RAMP3: variants seen among roughly 807,000 people sequenced by gnomAD.
The protein encoded by RAMP3 is receptor activity modifying protein 3.
In RAMP3, 14 loss-of-function variants were observed where a neutral mutation model predicts 13.5. The ratio of observed to expected loss-of-function variants is 1.04; its 90% CI spans 0.69 to 1.63. The LOEUF (loss-of-function observed/expected upper bound fraction) is 1.63. Among genes scored for constraint, RAMP3 ranks in the 40% most tolerant of loss-of-function variants. The probability of loss-of-function intolerance (pLI) is 0.00; values close to 1 mark genes in which losing one functional copy is unlikely to be tolerated. For synonymous variants in RAMP3, 106 were observed against 88.3 expected (o/e 1.20, Z -1.12); for missense variants, 200 against 204.8 (o/e 0.98, Z 0.14).
Position 45,183,542 on chromosome 7 carries a change from C to T in RAMP3, c.*130C>T. On this transcript the variant is annotated 3_prime_UTR_variant, in exon 3 of 3. Transcript: ENST00000242249. The stretch of plus-strand genomic sequence containing the variant: ...ACCCCACCTGGTCATGGGCAGACCC[C>T]TCCCTTCCTGGGCTGACCTGCTCCC... The T allele has an allele frequency of 7.3e-7, 1 of 1,374,478 alleles. No homozygotes were observed. Among genetic ancestry groups the T allele is most frequent in the Non-Finnish European group, 1.0e-6 (1 of 1,000,690 alleles). 85.1% of individuals were successfully genotyped at this position (1,374,478 alleles called of 1,614,324 possible). A position where few individuals can be genotyped will look rare whatever the true frequency, so the allele number is the denominator to read the frequency against.
In RAMP3 at chr7:45,184,162, G is replaced by A. The variant is rs1329652713; in HGVS notation, c.*750G>A. ...CTACAGGGGCTCCTCTGTGGGTGAG[G>A]GGCCCTCTGGAATGGCATCCCATGA... On this transcript the variant is annotated 3_prime_UTR_variant, in exon 3 of 3. Coordinates refer to ENST00000242249, the MANE Select transcript of RAMP3 (RefSeq NM_005856.3). 6 of 398,660 alleles carry A rather than the reference G, an allele frequency of 1.5e-5. No homozygotes were observed. The East Asian group carries it at 1.8e-4, about 12-fold the overall frequency. 24.7% of individuals were successfully genotyped at this position (398,660 alleles called of 1,614,324 possible).
chr7:45,173,762 A>C (rs28540347), intron 1 of RAMP3, among the ~76,000 whole-genome samples: 3,571 of 152,286 alleles, frequency 0.023, 157 homozygotes, highest in African/African-American at 0.082. Context: ...TGCAAGGAGC[A>C]GGGCTGATCA....
chr7:45,168,406 C>CAAAAAAAAA (rs71030854), intron 1 of RAMP3, among the ~76,000 whole-genome samples: 1 of 70,364 alleles, frequency 1.4e-5, no homozygotes, highest in African/African-American at 6.4e-5. Context: ...ACTCTGTTTC[C>CAAAAAAAAA]AAAAAAAAAA....
intron 1 of RAMP3, among the ~76,000 whole-genome samples, chr7:45,160,517 A>G (rs1277198401): frequency 6.6e-6 from 1 of 152,042 alleles, no homozygotes; most frequent in Non-Finnish European, 1.5e-5. Context: ...GCCCAACCAC[A>G]GAGACCAGGG....
At position 45,183,298 on chromosome 7, in the gene RAMP3, G is replaced by T. The variant is rs1786356683; in HGVS notation, c.333G>T (p.Leu111Phe). ...FSNCTVDRVHLEDPPDEVLIP... is the reference protein window; with the variant it reads ...FSNCTVDRVHFEDPPDEVLIP... ...ACTGCACCGTGGACAGGGTCCACTT[G>T]GAGGACCCCCCAGACGAGGTTCTCA... Residue 111 changes from leucine to phenylalanine, a missense_variant, in exon 3 of 3, where the codon TTG (leucine) becomes TTT (phenylalanine). Coordinates refer to ENST00000242249, the MANE Select transcript of RAMP3 (RefSeq NM_005856.3). 3 of 1,614,102 alleles carry T rather than the reference G, an allele frequency of 1.9e-6. No homozygotes were observed. The highest frequency in any genetic ancestry group is 1.7e-6 in the Non-Finnish European group (2 of 1,180,042).
At chr7:45,162,561 C>T (rs1222007226) in intron 1 of RAMP3, among the ~76,000 whole-genome samples, 1 of 152,158 alleles carries the variant, frequency 6.6e-6, no homozygotes, top group Non-Finnish European at 1.5e-5. Flanking sequence ...ACTCCCCTGC[C>T]TTGTCTAAGT....
At chr7:45,174,396 A>C (rs1472186255) in intron 1 of RAMP3, among the ~76,000 whole-genome samples, 2 of 152,160 alleles carry the variant, frequency 1.3e-5, no homozygotes, top group Non-Finnish European at 2.9e-5. Flanking sequence ...CACTGTCCCC[A>C]CACTGGCTGC....
In RAMP3 at chr7:45,183,228, T is replaced by G. The variant is rs1786354790; in HGVS notation, c.263T>G (p.Leu88Arg). Residue 88 changes from leucine (L) to arginine (R), a missense_variant, in exon 3 of 3, where the codon CTG (leucine) becomes CGG (arginine). Leu to Arg is a moderately radical substitution (Grantham distance 102). Coordinates refer to ENST00000242249, the MANE Select transcript of RAMP3 (RefSeq NM_005856.3). The stretch of plus-strand genomic sequence containing the variant: ...GTGGGCTGCTACTGGCCCAACCCCC[T>G]GGCCCAGGGCTTCATCACCGGCATC... ...NVVGCYWPNPLAQGFITGIHR... is the reference protein window; with the variant it reads ...NVVGCYWPNPRAQGFITGIHR... The G allele has an allele frequency of 1.2e-6, 2 of 1,613,572 alleles. No homozygotes were observed. Among genetic ancestry groups the G allele is most frequent in the African/African-American group, 2.7e-5 (2 of 74,844 alleles).
intron 1 of RAMP3, among the ~76,000 whole-genome samples, chr7:45,166,920 G>C (rs956828561): frequency 7.0e-6 from 1 of 142,552 alleles, no homozygotes; most frequent in Non-Finnish European, 1.5e-5. Flanking sequence ...GGTAATCTAA[G>C]AGTTTTATAA....
At chr7:45,162,922 G>T (rs555974936) in intron 1 of RAMP3, among the ~76,000 whole-genome samples, 86 of 152,262 alleles carry the variant, frequency 5.6e-4, no homozygotes, top group African/African-American at 1.9e-3. Context: ...TGTGGTCCTC[G>T]GACCTGCAGA....
intron 1 of RAMP3, among the ~76,000 whole-genome samples, chr7:45,165,484 A>C (rs1785941867): frequency 6.6e-6 from 1 of 152,090 alleles, no homozygotes; most frequent in African/African-American, 2.4e-5. Context: ...ATTTCCTTTC[A>C]CCTTTTGTAT....
intron 1 of RAMP3, among the ~76,000 whole-genome samples, chr7:45,167,932 C>G (rs955313129): frequency 2.6e-5 from 4 of 152,086 alleles, no homozygotes; most frequent in Non-Finnish European, 5.9e-5. Flanking sequence ...GTGTCCCTCG[C>G]TTTTCCATAG....
intron 1 of RAMP3, among the ~76,000 whole-genome samples, chr7:45,160,677 G>A (rs1485192037): frequency 6.6e-6 from 1 of 152,152 alleles, no homozygotes; most frequent in Non-Finnish European, 1.5e-5. Context: ...AGCCCTTTCT[G>A]GCGGAAATGC....
At chr7:45,166,571 A>T (rs969313169) in intron 1 of RAMP3, among the ~76,000 whole-genome samples, 3 of 152,082 alleles carry the variant, frequency 2.0e-5, no homozygotes, top group Non-Finnish European at 2.9e-5. Flanking sequence ...CTTTTATCAG[A>T]TATACAACTT....
chr7:45,165,903 A>G (rs931061938), intron 1 of RAMP3, among the ~76,000 whole-genome samples: 1 of 152,212 alleles, frequency 6.6e-6, no homozygotes, highest in African/African-American at 2.4e-5. Context: ...ATTCTATCAC[A>G]TGGGTATACC....
chr7:45,183,114 G>T, intron 2 of RAMP3, 43 bp from the exon 3 acceptor site: 1 of 1,599,850 alleles, frequency 6.3e-7, no homozygotes, highest in South Asian at 1.1e-5. Context: ...AGGTGTGAGG[G>T]GGGATGGCGA....
chr7:45,163,610 G>C (rs977262395), intron 1 of RAMP3: 1 of 985,324 alleles, frequency 1.0e-6, no homozygotes, highest in Non-Finnish European at 1.2e-6. Context: ...GTTGGGGCCC[G>C]ATGGAAGCTA....
intron 1 of RAMP3, among the ~76,000 whole-genome samples, chr7:45,168,900 T>C (rs757149947): frequency 2.0e-5 from 3 of 152,232 alleles, no homozygotes; most frequent in Non-Finnish European, 4.4e-5. Context: ...ATGTTAACTC[T>C]GGGCATTTCA....
intron 2 of RAMP3, among the ~76,000 whole-genome samples, chr7:45,178,336 C>T (rs1317448745): frequency 6.6e-6 from 1 of 152,208 alleles, no homozygotes; most frequent in East Asian, 1.9e-4. Context: ...TCCTCTGCCC[C>T]ACCCCACTCC....
Sources: gnomAD v4.1 joint callset for allele counts (sites outside exome capture counted in the v4.1 genomes callset) on GRCh38, gnomAD v4.1.1 for gene constraint, MANE v1.5 for transcripts, NCBI Gene and HGNC (gene_info 2026-07-23, HGNC 2026-07-21) for gene names.